The following TUT1 variants were observed in gnomAD, a reference collection of about 807,000 sequenced individuals.
The protein encoded by TUT1 is terminal uridylyl transferase 1, U6 snRNA-specific, also known as speckle targeted PIP5K1A-regulated poly(A) polymerase.
TUT1 carries 26 observed loss-of-function variants against 48.8 expected under a neutral mutation model. The ratio of observed to expected loss-of-function variants is 0.53; its 90% CI spans 0.39 to 0.74. The LOEUF (loss-of-function observed/expected upper bound fraction) is 0.74, where lower values mean the gene tolerates loss of function less well. Among genes scored for constraint, TUT1 ranks in the 30% least tolerant of loss-of-function variants. The pLI is 0.00. For missense variants in TUT1, 1,065 were observed against 1,114.8 expected (o/e 0.96, Z 0.64); for synonymous variants, 470 against 460.8 (o/e 1.02, Z -0.26).
At chr11:62,585,771 C>T (rs1343407236) in intron 2 of TUT1, among the ~76,000 whole-genome samples, 1 of 152,186 alleles carries the variant, frequency 6.6e-6, no homozygotes, top group Non-Finnish European at 1.5e-5. Context: ...TGCACTCCAG[C>T]CTGGGAGACA....
intron 4 of TUT1, among the ~76,000 whole-genome samples, chr11:62,580,696 G>A (rs1484107988): frequency 7.2e-6 from 1 of 139,026 alleles, no homozygotes; most frequent in Non-Finnish European, 1.5e-5. Context: ...TCTGCCTCCC[G>A]GGTTCAAGTG....
At chr11:62,583,576 A>G (rs957472750) in intron 2 of TUT1, among the ~76,000 whole-genome samples, 30 of 152,268 alleles carry the variant, frequency 2.0e-4, no homozygotes, top group African/African-American at 6.7e-4. Context: ...CAGTCTGTCC[A>G]GTCTGGACAA....
At chr11:62,581,033 A>G in intron 4 of TUT1, 73 bp downstream of exon 4, 1 of 1,168,138 alleles carries the variant, frequency 8.6e-7, no homozygotes, top group Non-Finnish European at 1.3e-6. Context: ...ATGGAGAGCT[A>G]AAGGACTTGC....
At chr11:62,581,056 G>T in intron 4 of TUT1, 50 bp downstream of exon 4, 1 of 1,446,536 alleles carries the variant, frequency 6.9e-7, no homozygotes, top group Non-Finnish European at 9.7e-7. Context: ...ACAGTCACAT[G>T]GCCATTCTCA....
At position 62,575,113 on chromosome 11, in the gene TUT1, G is replaced by A. The variant is rs1301038104; in HGVS notation, c.2606C>T (p.Ala869Val). The A allele has an allele frequency of 6.4e-7, 1 of 1,570,180 alleles. No homozygotes were observed. The highest frequency in any genetic ancestry group is 2.3e-5 in the East Asian group (1 of 44,398). Residue 869 changes from alanine to valine, a missense_variant, in exon 9 of 9, where the codon GCA becomes GTA. By Grantham distance (64) the Ala-to-Val change is moderately conservative (BLOSUM62 0). Transcript: ENST00000476907. ...ATGTCTTCACTTGAGATGTCGAATT[G>A]CTTGAGGGAGGAAAACCTGTAAGAA... Reference protein sequence around the residue: ...HHFLQVFLPQAIRHLK With the variant: ...HHFLQVFLPQVIRHLK
intron 1 of TUT1, among the ~76,000 whole-genome samples, chr11:62,590,481 C>A (rs1941992208): frequency 6.6e-6 from 1 of 151,698 alleles, no homozygotes; most frequent in South Asian, 2.1e-4. Flanking sequence ...CTAAAAAATA[C>A]AAAAAATTAG....
Position 62,577,195 on chromosome 11 carries a change from A to G in TUT1, c.1257T>C (p.Gly419=). 1 of 1,609,390 alleles carries G rather than the reference A, an allele frequency of 6.2e-7. No homozygotes were observed. Among genetic ancestry groups the G allele is most frequent in the South Asian group, 1.1e-5 (1 of 90,666 alleles). The change falls in exon 6 of 9, where the codon GGT becomes GGC. Residue 419 remains glycine (G), a synonymous_variant. Coordinates refer to ENST00000476907, the MANE Select transcript of TUT1 (RefSeq NM_022830.3). ...LVYTLRCWAQ[G]RGLSGSGPLL... Reference sequence around the variant, plus strand: ...ATCCATTCTCACCTGACAGCCCCCGACCCTGAGCCCAGCAGCGGAGGGTGT... The same window carrying G: ...ATCCATTCTCACCTGACAGCCCCCGGCCCTGAGCCCAGCAGCGGAGGGTGT...
intron 2 of TUT1, among the ~76,000 whole-genome samples, chr11:62,583,217 ACTAT>A (rs1313734827): frequency 1.3e-5 from 2 of 152,048 alleles, no homozygotes; most frequent in East Asian, 1.9e-4. Context: ...TCAAGAACTC[ACTAT>A]CTAGGAATAA....
chr11:62,575,386 C>T lies in TUT1; in HGVS notation c.2333G>A (p.Arg778Gln), dbSNP rs773787799. 3 of 1,612,720 alleles carry T rather than the reference C, an allele frequency of 1.9e-6. No homozygotes were observed. The highest frequency in any genetic ancestry group is 1.1e-5 in the South Asian group (1 of 91,086). ...CTGCAAGCGTCTACGGGCTCGCCGC[C>T]GCCCTTGCCACACTCGGTGCCACAA... ...CALWHRVWQG[R>Q]RRARRRLQQQ... is the part of the protein sequence containing the mutation. The change falls in exon 9 of 9, where the codon CGG becomes CAG. Residue 778 changes from arginine to glutamine, a missense_variant. Arg to Gln is a conservative substitution (Grantham distance 43, BLOSUM62 1). Coordinates refer to ENST00000476907, the MANE Select transcript of TUT1 (RefSeq NM_022830.3).
At chr11:62,577,953 C>T (rs1046347654) in intron 5 of TUT1, among the ~76,000 whole-genome samples, 24 of 149,558 alleles carry the variant, frequency 1.6e-4, no homozygotes, top group Non-Finnish European at 7.4e-5. Context: ...CCCAGCTACT[C>T]GGGAGGCTGA....
intron 1 of TUT1, among the ~76,000 whole-genome samples, chr11:62,590,029 G>A (rs1941984237): frequency 1.3e-5 from 2 of 152,218 alleles, no homozygotes; most frequent in African/African-American, 4.8e-5. Flanking sequence ...AAAACTAACC[G>A]TTGCTATTAT....
In TUT1 at chr11:62,575,883, G is replaced by A; in HGVS notation, c.1836C>T (p.Pro612=). The A allele has an allele frequency of 6.2e-7, 1 of 1,614,158 alleles. No homozygotes were observed. Among genetic ancestry groups the A allele is most frequent in the Non-Finnish European group, 8.5e-7 (1 of 1,180,000 alleles). The change falls in exon 9 of 9, where the codon CCC becomes CCT. Residue 612 remains proline, a synonymous_variant. Transcript: ENST00000476907. ...CAGTGAGCTGGGTGAAGGGTGCAAGGGGTAAAGGGATCGGCGTAGCAGAGA... is the reference window on the plus strand; with the variant it reads ...CAGTGAGCTGGGTGAAGGGTGCAAGAGGTAAAGGGATCGGCGTAGCAGAGA... The part of the protein sequence containing the change: ...SLLSATPIPL[P]LAPFTQLTAA...
rs768808132 is a variant in TUT1, at chr11:62,575,213, C to T, written c.2506G>A (p.Val836Ile). 6.2e-6 allele frequency: 10 copies of T among 1,613,216 alleles called. No individual in the cohort carries two copies. Among genetic ancestry groups the T allele is most frequent in the Non-Finnish European group, 8.5e-6 (10 of 1,179,318 alleles). Residue 836 changes from valine (V) to isoleucine (I), a missense_variant, in exon 9 of 9, where the codon GTC becomes ATC. Coordinates refer to ENST00000476907, the MANE Select transcript of TUT1 (RefSeq NM_022830.3). ...TEPLLSFVAS[V>I]SPADRMLTVT... ...GTGAGCATTCGGTCAGCCGGGGAGA[C>T]AGACGCCACAAAGCTCAGCAGGGGC...
chr11:62,575,371 C>T lies in TUT1; in HGVS notation c.2348G>A (p.Arg783Lys). The T allele has an allele frequency of 7.4e-6, 12 of 1,613,502 alleles. No homozygotes were observed. The highest frequency in any genetic ancestry group is 1.0e-5 in the Non-Finnish European group (12 of 1,180,032). ...RVWQGRRRARRRLQQQTKEGA... is the reference protein window; with the variant it reads ...RVWQGRRRARKRLQQQTKEGA... ...CTCCTTGGTTTGCTGCTGCAAGCGT[C>T]TACGGGCTCGCCGCCGCCCTTGCCA... The change falls in exon 9 of 9, where the codon AGA becomes AAA. Residue 783 changes from arginine (R) to lysine (K), a missense_variant. Transcript: ENST00000476907.
intron 4 of TUT1, among the ~76,000 whole-genome samples, chr11:62,580,349 A>T (rs1459536639): frequency 6.6e-6 from 1 of 151,684 alleles, no homozygotes; most frequent in Non-Finnish European, 1.5e-5. Context: ...ATTCCGAGCT[A>T]CTTGGGAGGC....
intron 2 of TUT1, among the ~76,000 whole-genome samples, chr11:62,584,853 G>A (rs959917761): frequency 5.3e-5 from 8 of 150,390 alleles, no homozygotes; most frequent in African/African-American, 1.2e-4. Flanking sequence ...AAGGAGTCTC[G>A]CTCTGTTGCC....
chr11:62,575,650 TC>T lies in TUT1; in HGVS notation c.2068del (p.Glu690LysfsTer5). The part of the protein sequence containing the change: ...CAGDGGEDRV[E>X]EMVIEVGEMV... Reference sequence around the variant, plus strand: ...CTCTCCAACCTCTATAACCATCTCTTCTACCCTGTCTTCCCCACCGTCCCCT... The same window carrying T: ...CTCTCCAACCTCTATAACCATCTCTTTACCCTGTCTTCCCCACCGTCCCCT... On this transcript the variant is annotated frameshift_variant, in exon 9 of 9. Transcript: ENST00000476907. LOFTEE classifies it low-confidence loss of function (END_TRUNC). 6.2e-7 allele frequency: 1 copy of T among 1,614,164 alleles called. No homozygotes were observed. The highest frequency in any genetic ancestry group is 8.5e-7 in the Non-Finnish European group (1 of 1,180,026).
intron 2 of TUT1, among the ~76,000 whole-genome samples, chr11:62,586,200 A>G (rs1590722893): frequency 6.6e-6 from 1 of 152,278 alleles, no homozygotes; most frequent in Non-Finnish European, 1.5e-5. Flanking sequence ...AGCTAGAGTT[A>G]CTATTTGTTG....
intron 8 of TUT1, 114 bp from the exon 9 acceptor site, chr11:62,576,358 CAG>C (rs1472948783): frequency 1.5e-6 from 2 of 1,311,238 alleles, no homozygotes; most frequent in East Asian, 5.1e-5. Flanking sequence ...AGGGGCTCAG[CAG>C]AGTCCCAGGA....
Sources: gnomAD v4.1 joint callset for allele counts (sites outside exome capture counted in the v4.1 genomes callset) on GRCh38, gnomAD v4.1.1 for gene constraint, MANE v1.5 for transcripts, NCBI Gene and HGNC (gene_info 2026-07-23, HGNC 2026-07-21) for gene names.